The following LPAR3 variants were observed in gnomAD, a reference collection of about 807,000 sequenced individuals.
LPAR3 encodes LPA receptor 3.
Under a neutral mutation model 17.8 loss-of-function variants are expected in LPAR3, and 7 were observed. That is an observed-to-expected ratio of 0.39 (90% CI 0.22 to 0.74). The LOEUF (loss-of-function observed/expected upper bound fraction) is 0.74. Among genes scored for constraint, LPAR3 ranks in the 30% least tolerant of loss-of-function variants. The pLI is 0.40. For synonymous variants in LPAR3, 179 were observed against 179.9 expected (o/e 0.99, Z 0.04); for missense variants, 391 against 453.4 (o/e 0.86, Z 1.25).
intron 2 of LPAR3, among the ~76,000 whole-genome samples, chr1:84,841,495 A>G (rs375506754): frequency 3.3e-5 from 5 of 152,302 alleles, no homozygotes. Context: ...CCAAGCTTCT[A>G]TGTCTATACT....
chr1:84,817,802 CAA>C (rs10674807), intron 2 of LPAR3, among the ~76,000 whole-genome samples: 8 of 119,780 alleles, frequency 6.7e-5, no homozygotes, highest in African/African-American at 1.3e-4. Flanking sequence ...CTTTCCTGGC[CAA>C]AAAAAAAAAA....
intron 2 of LPAR3, among the ~76,000 whole-genome samples, chr1:84,832,331 G>A (rs12077089): frequency 0.075 from 11,396 of 152,208 alleles, 617 homozygotes; most frequent in East Asian, 0.18. Flanking sequence ...TAAGTGTCGG[G>A]AAGTCAAGAT....
intron 1 of LPAR3, among the ~76,000 whole-genome samples, chr1:84,876,366 T>C (rs1160952301): frequency 1.3e-5 from 2 of 152,132 alleles, no homozygotes; most frequent in African/African-American, 2.4e-5. Flanking sequence ...ACTGCTTCCT[T>C]GCTTTCCAGC....
At chr1:84,817,571 G>A (rs111944316) in intron 2 of LPAR3, among the ~76,000 whole-genome samples, 71 of 152,288 alleles carry the variant, frequency 4.7e-4, no homozygotes, top group African/African-American at 1.7e-3. Context: ...ATCTGCTTAA[G>A]GCAACATCTC....
intron 2 of LPAR3, among the ~76,000 whole-genome samples, chr1:84,821,084 G>GC (rs1191811809): frequency 6.8e-6 from 1 of 146,776 alleles, no homozygotes; most frequent in Non-Finnish European, 1.5e-5. Flanking sequence ...TGTGGGTACT[G>GC]CTTTTTTTTT....
At chr1:84,843,332 G>T (rs1360168826) in intron 2 of LPAR3, among the ~76,000 whole-genome samples, 2 of 152,192 alleles carry the variant, frequency 1.3e-5, no homozygotes, top group Non-Finnish European at 2.9e-5. Context: ...AACTTCCCAG[G>T]CTTGGTAAGT....
Position 84,878,644 on chromosome 1 carries a change from G to C in LPAR3, c.-18-12506C>G, listed in dbSNP as rs542749395. ...TCAAATGAATTTTCAATCTACCTCAGCTCAGCTGTTGGAAGATAGTGGGGC... is the reference window on the plus strand; with the variant it reads ...TCAAATGAATTTTCAATCTACCTCACCTCAGCTGTTGGAAGATAGTGGGGC... On this transcript the variant is annotated intron_variant, in intron 1 of 2. Coordinates refer to ENST00000370611, the MANE Select transcript of LPAR3 (RefSeq NM_012152.3). Among the ~76,000 whole-genome samples the C allele has an allele frequency of 2.6e-5, 4 of 152,234 alleles. No individual in the cohort carries two copies. In the East Asian group the frequency reaches 7.7e-4, roughly 29 times the overall value.
intron 1 of LPAR3, among the ~76,000 whole-genome samples, chr1:84,888,318 C>A (rs1428222251): frequency 6.6e-6 from 1 of 152,062 alleles, no homozygotes; most frequent in African/African-American, 2.4e-5. Context: ...AGTTTTTGTC[C>A]AGAGAAAGGC....
At chr1:84,885,350 T>C (rs566947604) in intron 1 of LPAR3, among the ~76,000 whole-genome samples, 2 of 152,282 alleles carry the variant, frequency 1.3e-5, no homozygotes, top group East Asian at 1.9e-4. Flanking sequence ...ATTGATAACA[T>C]TTAAACAAGC....
At chr1:84,846,600 GCA>G (rs1659597671) in intron 2 of LPAR3, among the ~76,000 whole-genome samples, 2 of 152,278 alleles carry the variant, frequency 1.3e-5, no homozygotes, top group South Asian at 4.1e-4. Context: ...AATATTGGAA[GCA>G]CAGTTTGCAG....
At chr1:84,814,318 G>A in intron 2 of LPAR3, 147 bp from the exon 3 acceptor site, 1 of 635,736 alleles carries the variant, frequency 1.6e-6, no homozygotes, top group South Asian at 1.9e-5. Flanking sequence ...CCTACCATCT[G>A]AGCATTTGAG....
intron 2 of LPAR3, among the ~76,000 whole-genome samples, chr1:84,819,456 C>G (rs766186334): frequency 1.3e-5 from 2 of 152,162 alleles, no homozygotes; most frequent in Non-Finnish European, 2.9e-5. Context: ...ATCTGCAGGA[C>G]TAAAAAGTTC....
At chr1:84,869,201 T>G (rs1660110587) in intron 1 of LPAR3, among the ~76,000 whole-genome samples, 1 of 152,202 alleles carries the variant, frequency 6.6e-6, no homozygotes, top group African/African-American at 2.4e-5. Context: ...CACTAACACC[T>G]CAATGATTTT....
At chr1:84,845,040 T>A (rs1451254919) in intron 2 of LPAR3, among the ~76,000 whole-genome samples, 2 of 152,212 alleles carry the variant, frequency 1.3e-5, no homozygotes, top group Non-Finnish European at 2.9e-5. Context: ...AGCACTTCAA[T>A]ATTTATAAAA....
intron 2 of LPAR3, among the ~76,000 whole-genome samples, chr1:84,856,688 A>T (rs965016386): frequency 3.3e-5 from 5 of 152,152 alleles, no homozygotes; most frequent in Non-Finnish European, 5.9e-5. Context: ...AAAGGTGATA[A>T]TAGCAGCTGA....
chr1:84,828,284 AG>A (rs1659204448), intron 2 of LPAR3, among the ~76,000 whole-genome samples: 1 of 152,114 alleles, frequency 6.6e-6, no homozygotes, highest in Non-Finnish European at 1.5e-5. Context: ...TGCTGCCAGG[AG>A]GGGAAAAAAT....
chr1:84,829,736 T>C (rs761563753), intron 2 of LPAR3, among the ~76,000 whole-genome samples: 4 of 152,114 alleles, frequency 2.6e-5, no homozygotes, highest in Admixed American at 6.6e-5. Context: ...TTTGGAAATG[T>C]TTTCTTAATT....
chr1:84,878,214 ATCT>A (rs1242847502), intron 1 of LPAR3, among the ~76,000 whole-genome samples: 2 of 152,046 alleles, frequency 1.3e-5, no homozygotes, highest in Non-Finnish European at 2.9e-5. Context: ...TAATTCCCAA[ATCT>A]TCTGTTTACA....
At chr1:84,826,646 T>G (rs559682626) in intron 2 of LPAR3, among the ~76,000 whole-genome samples, 11 of 151,930 alleles carry the variant, frequency 7.2e-5, no homozygotes, top group African/African-American at 2.7e-4. Flanking sequence ...CAAAACACTA[T>G]GCATAGTATG....
Sources: gnomAD v4.1 joint callset for allele counts (sites outside exome capture counted in the v4.1 genomes callset) on GRCh38, gnomAD v4.1.1 for gene constraint, MANE v1.5 for transcripts, NCBI Gene and HGNC (gene_info 2026-07-23, HGNC 2026-07-21) for gene names.